Variants in KATNIP observed in about 807,000 individuals in gnomAD.
KATNIP encodes the protein katanin interacting protein, also known as katanin-interacting protein.
KATNIP carries 126 observed loss-of-function variants against 174.0 expected under a neutral mutation model. The observed-to-expected ratio is 0.72, with a 90% CI of 0.63 to 0.84. The LOEUF (loss-of-function observed/expected upper bound fraction) is 0.84, where lower values mean the gene tolerates loss of function less well. Among genes scored for constraint, KATNIP ranks in the 40% least tolerant of loss-of-function variants. The pLI, the probability that KATNIP is intolerant of heterozygous loss-of-function variation, is 0.00. For synonymous variants in KATNIP, 810 were observed against 835.7 expected (o/e 0.97, Z 0.53); for missense variants, 1,958 against 2,109.7 (o/e 0.93, Z 1.41).
intron 13 of KATNIP, among the ~76,000 whole-genome samples, chr16:27,720,015 T>TTTGTTG (rs374344841): frequency 3.7e-4 from 57 of 152,048 alleles, no homozygotes; most frequent in Non-Finnish European, 6.9e-4. Flanking sequence ...TTGTGTTTGC[T>TTTGTTG]TTGTTGTTGT....
At chr16:27,700,001 C>T (rs2079044273) in intron 10 of KATNIP, among the ~76,000 whole-genome samples, 1 of 152,058 alleles carries the variant, frequency 6.6e-6, no homozygotes, top group African/African-American at 2.4e-5. Context: ...ACCTCTGCCT[C>T]CCGGGTTCAA....
intron 2 of KATNIP, among the ~76,000 whole-genome samples, chr16:27,614,854 G>T (rs1235557451): frequency 6.6e-6 from 1 of 152,204 alleles, no homozygotes; most frequent in Non-Finnish European, 1.5e-5. Context: ...ACAATCTGGG[G>T]CTCTACAGGG....
intron 8 of KATNIP, chr16:27,687,438 T>C (rs1157904097): frequency 6.6e-6 from 1 of 152,276 alleles, no homozygotes; most frequent in African/African-American, 2.4e-5. Context: ...CATAAAGAGT[T>C]ATTTCTCCCC....
intron 15 of KATNIP, 136 bp from the exon 16 acceptor site, chr16:27,749,448 C>T: frequency 1.9e-6 from 2 of 1,044,436 alleles, no homozygotes; most frequent in South Asian, 1.9e-5. Flanking sequence ...CGGGAACAAC[C>T]CCGCTGGTTT....
chr16:27,712,399 C>A (rs905632904), intron 13 of KATNIP, among the ~76,000 whole-genome samples: 1 of 152,130 alleles, frequency 6.6e-6, no homozygotes, highest in Non-Finnish European at 1.5e-5. Context: ...TGGTGCATCG[C>A]CTCGTTTAAC....
intron 6 of KATNIP, among the ~76,000 whole-genome samples, chr16:27,660,501 A>G (rs893315814): frequency 6.6e-6 from 1 of 152,168 alleles, no homozygotes; most frequent in African/African-American, 2.4e-5. Flanking sequence ...GTGAGCCGAG[A>G]TGGCACCACT....
At chr16:27,626,088 C>T (rs1283976407) in intron 3 of KATNIP, among the ~76,000 whole-genome samples, 1 of 152,030 alleles carries the variant, frequency 6.6e-6, no homozygotes, top group Admixed American at 6.6e-5. Context: ...TGGGCTCAAG[C>T]AGTCCAGTCT....
intron 2 of KATNIP, among the ~76,000 whole-genome samples, chr16:27,609,502 T>C (rs1351289979): frequency 2.0e-5 from 3 of 149,696 alleles, no homozygotes; most frequent in African/African-American, 7.4e-5. Flanking sequence ...ACCATTCTTC[T>C]GTCTCAGCCT....
intron 17 of KATNIP, 26 bp downstream of exon 17, chr16:27,751,950 G>A (rs749641798): frequency 1.3e-5 from 21 of 1,573,372 alleles, no homozygotes; most frequent in Non-Finnish European, 1.5e-5. Flanking sequence ...GGGGGCTGTG[G>A]GGGGACCCCC....
chr16:27,576,723 T>C (rs1478237566), intron 2 of KATNIP, among the ~76,000 whole-genome samples: 1 of 152,070 alleles, frequency 6.6e-6, no homozygotes, highest in Non-Finnish European at 1.5e-5. Flanking sequence ...CACCCACCTC[T>C]TCTTTCTGCA....
At chr16:27,700,514 ACAG>A (rs1475556700) in intron 10 of KATNIP, among the ~76,000 whole-genome samples, 1 of 152,204 alleles carries the variant, frequency 6.6e-6, no homozygotes, top group Non-Finnish European at 1.5e-5. Flanking sequence ...GATGACAATC[ACAG>A]CTGCTAATAT....
At chr16:27,734,072 T>G (rs1045883554) in intron 14 of KATNIP, among the ~76,000 whole-genome samples, 1 of 151,360 alleles carries the variant, frequency 6.6e-6, no homozygotes, top group African/African-American at 2.4e-5. Flanking sequence ...AAGGACTTAT[T>G]TATTATTATT....
At chr16:27,703,575 G>A (rs540972104) in intron 11 of KATNIP, among the ~76,000 whole-genome samples, 159 of 152,282 alleles carry the variant, frequency 1.0e-3, no homozygotes, top group African/African-American at 3.6e-3. Flanking sequence ...ACAAAAACAG[G>A]TCACGGGCTG....
chr16:27,650,587 G>A (rs756492575), intron 6 of KATNIP, among the ~76,000 whole-genome samples: 2 of 152,190 alleles, frequency 1.3e-5, no homozygotes, highest in Admixed American at 6.5e-5. Flanking sequence ...TTGCTTCTAC[G>A]TATCGCTTTT....
chr16:27,740,313 T>C lies in KATNIP; in HGVS notation c.2016T>C (p.Ser672=), dbSNP rs768630940. The C allele has an allele frequency of 1.9e-6, 3 of 1,614,130 alleles. No individual in the cohort carries two copies. The highest frequency in any genetic ancestry group is 2.5e-6 in the Non-Finnish European group (3 of 1,180,058). ...AAACATTAGCGGATGCAAAGCTTTC[T>C]TCACAAGGAAATGTGTCTGGCAAAA... ...PAETLADAKL[S]SQGNVSGKRK... The change falls in exon 15 of 28, where the codon TCT becomes TCC. Residue 672 remains serine, a synonymous_variant. Transcript: ENST00000261588.
At chr16:27,757,889 A>G (rs1166978245) in intron 18 of KATNIP, among the ~76,000 whole-genome samples, 1 of 152,134 alleles carries the variant, frequency 6.6e-6, no homozygotes, top group Non-Finnish European at 1.5e-5. Context: ...ATGACTTGCT[A>G]ATTTGCAGAT....
At chr16:27,730,689 C>A (rs1246274358) in intron 14 of KATNIP, among the ~76,000 whole-genome samples, 1 of 152,210 alleles carries the variant, frequency 6.6e-6, no homozygotes, top group East Asian at 1.9e-4. Flanking sequence ...CTCCCCATAC[C>A]CCTAGCCTGC....
At chr16:27,688,833 C>A (rs1005693125) in intron 8 of KATNIP, among the ~76,000 whole-genome samples, 2 of 152,136 alleles carry the variant, frequency 1.3e-5, no homozygotes, top group African/African-American at 4.8e-5. Context: ...CTTTGCAATC[C>A]CCAGGTGAGA....
chr16:27,709,332 A>AG (rs2079468014), intron 13 of KATNIP, among the ~76,000 whole-genome samples: 1 of 147,256 alleles, frequency 6.8e-6, no homozygotes, highest in Non-Finnish European at 1.5e-5. Flanking sequence ...AAAAAAAAAA[A>AG]AAAAATAGGC....
Sources: allele counts gnomAD v4.1 joint callset (sites outside exome capture counted in the v4.1 genomes callset), GRCh38; gene constraint gnomAD v4.1.1; transcripts MANE v1.5; gene names NCBI Gene and HGNC (gene_info 2026-07-23, HGNC 2026-07-21).